JAG1: variants seen among roughly 807,000 people sequenced by gnomAD.
The protein encoded by JAG1 is jagged canonical Notch ligand 1, also known as protein jagged-1.
JAG1 carries 23 observed loss-of-function variants against 148.7 expected under a neutral mutation model. That is an observed-to-expected ratio of 0.15 (90% CI 0.11 to 0.22). JAG1 has a LOEUF of 0.22. Among genes scored for constraint, JAG1 ranks in the 10% least tolerant of loss-of-function variants. The pLI is 1.00. For missense variants in JAG1, 1,054 were observed against 1,611.2 expected (o/e 0.65, Z 5.92); for synonymous variants, 572 against 598.3 (o/e 0.96, Z 0.64).
At chr20:10,657,052 AAAGT>A (rs976066045) in intron 4 of JAG1, among the ~76,000 whole-genome samples, 77 of 152,306 alleles carry the variant, frequency 5.1e-4, no homozygotes, top group African/African-American at 1.8e-3. Context: ...AAAAAAGAAA[AAAGT>A]AACTTCTAAA....
At chr20:10,664,417 A>G (rs2067438961) in intron 2 of JAG1, among the ~76,000 whole-genome samples, 1 of 125,356 alleles carries the variant, frequency 8.0e-6, no homozygotes, top group East Asian at 2.1e-4. Context: ...CACACAAAGA[A>G]TTTATTCTAA....
chr20:10,640,028 A>G (rs1329936536), intron 25 of JAG1, 73 bp from the exon 26 acceptor site: 13 of 1,206,850 alleles, frequency 1.1e-5, no homozygotes, highest in Non-Finnish European at 1.6e-5. Context: ...GAACAAAAGA[A>G]TACCAACAGT....
In JAG1 at chr20:10,664,580, G is replaced by C. The variant is rs772388955; in HGVS notation, c.388-566C>G. On this transcript the variant is annotated intron_variant, in intron 2 of 25. Coordinates refer to ENST00000254958, the MANE Select transcript of JAG1 (RefSeq NM_000214.3). ...GACCATCCTGGCTCCCACAAGTATCGGGTAACTCTAGGAAACAGGAGGGGG... is the reference window on the plus strand; with the variant it reads ...GACCATCCTGGCTCCCACAAGTATCCGGTAACTCTAGGAAACAGGAGGGGG... Among the ~76,000 whole-genome samples the C allele has an allele frequency of 2.0e-5, 3 of 152,170 alleles. No homozygotes were observed. The East Asian group carries it at 5.8e-4, about 29-fold the overall frequency.
rs759517971 is a variant in JAG1, at chr20:10,649,071, G to T, written c.1385C>A (p.Ala462Asp). The change falls in exon 11 of 26, where the codon GCC becomes GAC. Residue 462 changes from alanine (A) to aspartate (D), a missense_variant. Physicochemically the swap from Ala to Asp is moderately radical, Grantham distance 126. This residue lies in a region of JAG1 where 245 missense variants were observed against 373.1 expected (regional missense o/e 0.66). Coordinates refer to ENST00000254958, the MANE Select transcript of JAG1 (RefSeq NM_000214.3). Reference sequence around the variant, plus strand: ...CAAAGATTTACATACCCGACAGGAGGCGTCATTCTGACACTGGCCAAGGCA... The same window carrying T: ...CAAAGATTTACATACCCGACAGGAGTCGTCATTCTGACACTGGCCAAGGCA... ...NDCLGQCQND[A>D]SCRDLVNGYR... The T allele has an allele frequency of 1.2e-6, 2 of 1,609,770 alleles. No individual in the cohort carries two copies. Among genetic ancestry groups the T allele is most frequent in the Non-Finnish European group, 1.7e-6 (2 of 1,176,078 alleles).
In JAG1 at chr20:10,673,217, G is replaced by C. The variant is rs1215724308; in HGVS notation, c.82-211C>G. Among the ~76,000 whole-genome samples the C allele has an allele frequency of 1.3e-5, 2 of 152,164 alleles. No homozygotes were observed. Among genetic ancestry groups the C allele is most frequent in the African/African-American group, 4.8e-5 (2 of 41,458 alleles). ...CGGAAGAAATCCGACGACTTCCCGG[G>C]GGGCAACAGCGGAGCGAACGCGCCC... is the stretch of plus-strand genomic sequence containing the variant. On this transcript the variant is annotated intron_variant, in intron 1 of 25. Coordinates refer to ENST00000254958, the MANE Select transcript of JAG1 (RefSeq NM_000214.3). This position sits in a 1 kb window ranked among gnomAD's most constrained non-coding sequence, Gnocchi z 4.7.
intron 2 of JAG1, among the ~76,000 whole-genome samples, chr20:10,672,393 A>T (rs1209282583): frequency 6.6e-6 from 1 of 152,108 alleles, no homozygotes; most frequent in African/African-American, 2.4e-5. Context: ...GGGCCGGGAG[A>T]GTTACTCTGG....
intron 4 of JAG1, 60 bp from the exon 5 acceptor site, chr20:10,656,518 A>G (rs2067380445): frequency 2.1e-6 from 3 of 1,404,978 alleles, no homozygotes; most frequent in African/African-American, 2.8e-5. Flanking sequence ...CGCCCCGGTC[A>G]TGAGAATGGC....
At chr20:10,641,071 C>CT (rs2067267307) in intron 24 of JAG1, 42 bp downstream of exon 24, 1 of 1,613,870 alleles carries the variant, frequency 6.2e-7, no homozygotes, top group Non-Finnish European at 8.5e-7. Flanking sequence ...ACCGAACTGC[C>CT]TTGCCATCGA....
intron 2 of JAG1, among the ~76,000 whole-genome samples, chr20:10,666,368 C>A (rs956715758): frequency 6.6e-6 from 1 of 152,262 alleles, no homozygotes; most frequent in Middle Eastern, 3.4e-3. Context: ...AGATCATGCA[C>A]CCCACATCAA....
chr20:10,644,829 G>A, intron 18 of JAG1, 34 bp downstream of exon 18: 1 of 1,465,840 alleles, frequency 6.8e-7, no homozygotes, highest in Non-Finnish European at 9.6e-7. Flanking sequence ...TGCTCCGACA[G>A]CCCTGGGAGA....
At chr20:10,647,416 T>G in intron 13 of JAG1, 1 of 463,160 alleles carries the variant, frequency 2.2e-6, no homozygotes. Flanking sequence ...CAAAAGGACC[T>G]GCTTTATTTA....
intron 5 of JAG1, among the ~76,000 whole-genome samples, chr20:10,655,779 C>A (rs2067374737): frequency 6.6e-6 from 1 of 152,276 alleles, no homozygotes; most frequent in South Asian, 2.1e-4. Context: ...TTCCAAAACC[C>A]GCCATCGTGA....
intron 9 of JAG1, 84 bp downstream of exon 9, chr20:10,650,163 C>A (rs1380119218): frequency 2.4e-6 from 2 of 819,276 alleles, no homozygotes; most frequent in Non-Finnish European, 4.2e-6. Flanking sequence ...CTCACACTGC[C>A]GGCCACACGC....
intron 9 of JAG1, among the ~76,000 whole-genome samples, chr20:10,649,899 T>C (rs1652346934): frequency 6.6e-6 from 1 of 152,228 alleles, no homozygotes; most frequent in Admixed American, 6.5e-5. Context: ...CAGGCATTTC[T>C]GTGCAAAACC....
chr20:10,667,479 T>C (rs567134902), intron 2 of JAG1, among the ~76,000 whole-genome samples: 1 of 152,298 alleles, frequency 6.6e-6, no homozygotes, highest in East Asian at 1.9e-4. Context: ...AATATTCCAG[T>C]CACAAAACAT....
rs184372740 is a variant in JAG1, at chr20:10,642,677, A to G, written c.2459-76T>C. 7.0e-6 allele frequency: 6 copies of G among 862,050 alleles called. No individual in the cohort carries two copies. In the East Asian group the frequency reaches 7.4e-5, roughly 11 times the overall value. The allele number at this position is 862,050 out of a possible 1,614,324, so 53.4% of individuals were successfully genotyped here. A position where few individuals can be genotyped will look rare whatever the true frequency, so the allele number is the denominator to read the frequency against. ...TTGAGATTGTTTTTATTGACATAACATACAAGAAAAGCATATCATCATAAG... is the reference window on the plus strand; with the variant it reads ...TTGAGATTGTTTTTATTGACATAACGTACAAGAAAAGCATATCATCATAAG... On this transcript the variant is annotated intron_variant, in intron 20 of 25. Coordinates refer to ENST00000254958, the MANE Select transcript of JAG1 (RefSeq NM_000214.3).
In JAG1 at chr20:10,641,591, G is replaced by A. The variant is rs952580171; in HGVS notation, c.2785C>T (p.Pro929Ser). The A allele has an allele frequency of 6.2e-7, 1 of 1,614,052 alleles. No homozygotes were observed. Among genetic ancestry groups the A allele is most frequent in the African/African-American group, 1.3e-5 (1 of 75,070 alleles). Residue 929 changes from proline (P) to serine (S), a missense_variant, in exon 23 of 26, where the codon CCC becomes TCC. Coordinates refer to ENST00000254958, the MANE Select transcript of JAG1 (RefSeq NM_000214.3). ...PILDDQCFVHPCTGVGECRSS... is the reference protein window; with the variant it reads ...PILDDQCFVHSCTGVGECRSS... ...CGACACTCGCCCACACCAGTGCAGG[G>A]GTGGACGAAGCACTGGTCGTCCAGG... is the stretch of plus-strand genomic sequence containing the variant.
At chr20:10,650,943 G>C (rs1038247406) in intron 8 of JAG1, 1 of 160,280 alleles carries the variant, frequency 6.2e-6, no homozygotes, top group Non-Finnish European at 1.4e-5. Context: ...CTGGAGTTCC[G>C]CAAGTGACAG....
At position 10,673,734 on chromosome 20, in the gene JAG1, C is replaced by T; in HGVS notation, c.-204G>A. On this transcript the variant is annotated 5_prime_UTR_variant, in exon 1 of 26. Coordinates refer to ENST00000254958, the MANE Select transcript of JAG1 (RefSeq NM_000214.3). The surrounding 1 kb of genome is among the most constrained non-coding windows in gnomAD (Gnocchi z 4.7). ...GCGGCCCGTTCCAGAAGGCAAAGAG[C>T]CCGGCCTCCTTTTATTATTCTGATC... The T allele has an allele frequency of 3.9e-6, 1 of 254,422 alleles. No individual in the cohort carries two copies. The highest frequency in any genetic ancestry group is 7.3e-6 in the Non-Finnish European group (1 of 136,144). The allele number at this position is 254,422 out of a possible 1,614,324, so 15.8% of individuals were successfully genotyped here.
Sources: gnomAD v4.1 joint callset for allele counts (sites outside exome capture counted in the v4.1 genomes callset) on GRCh38, gnomAD v4.1.1 for gene constraint, gnomAD v4.1.1 regional missense constraint, Gnocchi (gnomAD v3.1) non-coding constraint, MANE v1.5 for transcripts, NCBI Gene and HGNC (gene_info 2026-07-23, HGNC 2026-07-21) for gene names.